BNC2: variants seen among roughly 807,000 people sequenced by gnomAD.
BNC2 encodes the protein basonuclin zinc finger protein 2, also known as zinc finger protein basonuclin-2.
In BNC2, 20 loss-of-function variants were observed where a neutral mutation model predicts 76.3. The observed-to-expected ratio is 0.26, with a 90% CI of 0.18 to 0.38. BNC2 has a LOEUF of 0.38. Among genes scored for constraint, BNC2 ranks in the 10% least tolerant of loss-of-function variants. BNC2 has a pLI of 1.00. For missense variants in BNC2, 1,382 were observed against 1,399.8 expected, an observed-to-expected ratio of 0.99 and a Z score of 0.20; for synonymous variants, 582 against 514.8, an observed-to-expected ratio of 1.13 and a Z score of -1.77.
At chr9:16,867,119 A>G (rs1045640451) in intron 1 of BNC2, among the ~76,000 whole-genome samples, 1 of 152,204 alleles carries the variant, frequency 6.6e-6, no homozygotes, top group Non-Finnish European at 1.5e-5. Flanking sequence ...ATTAATTTTA[A>G]TGTCAAAAAA....
chr9:16,538,124 T>C (rs1361494772), intron 5 of BNC2, among the ~76,000 whole-genome samples: 1 of 152,150 alleles, frequency 6.6e-6, no homozygotes, highest in African/African-American at 2.4e-5. Context: ...GATCCAGGTG[T>C]AAGGTAGAAC....
rs577806819 is a variant in BNC2 at position 16,417,701 on chromosome 9, T to G, written c.*1288A>C. 51 of 152,782 alleles carry G rather than the reference T, an allele frequency of 3.3e-4. No individual in the cohort carries two copies. Among genetic ancestry groups the G allele is most frequent in the African/African-American group, 1.2e-3 (50 of 41,582 alleles). 9.5% of individuals were successfully genotyped at this position (152,782 alleles called of 1,614,324 possible). On this transcript the variant is annotated 3_prime_UTR_variant, in exon 7 of 7. Coordinates refer to ENST00000380672, the MANE Select transcript of BNC2 (RefSeq NM_017637.6). ...GCCTTGGAAATGAGTGTTCGACTCT[T>G]TTACTGTATTCATCTTTGTTCCGTA... is the stretch of plus-strand genomic sequence containing the variant.
intron 5 of BNC2, among the ~76,000 whole-genome samples, chr9:16,463,585 C>T (rs915652214): frequency 3.5e-5 from 5 of 143,774 alleles, no homozygotes; most frequent in Admixed American, 6.7e-5. Flanking sequence ...CGTGAGCCAC[C>T]GCGCCCGGCC....
chr9:16,717,830 CA>C (rs981911922), intron 3 of BNC2, among the ~76,000 whole-genome samples: 2 of 152,058 alleles, frequency 1.3e-5, no homozygotes, highest in Non-Finnish European at 2.9e-5. Flanking sequence ...TTTAAAAGAT[CA>C]AAAGTACAGG....
intron 5 of BNC2, among the ~76,000 whole-genome samples, chr9:16,552,246 G>C (rs1018832406): frequency 1.3e-5 from 2 of 152,118 alleles, no homozygotes; most frequent in Non-Finnish European, 2.9e-5. Flanking sequence ...AAGACTTGTT[G>C]AAGAAGCCAG....
chr9:16,745,850 C>T (rs1824985405), intron 1 of BNC2, among the ~76,000 whole-genome samples: 1 of 152,152 alleles, frequency 6.6e-6, no homozygotes, highest in African/African-American at 2.4e-5. Context: ...CAGACATGGG[C>T]TTTGAGACAG....
chr9:16,476,648 G>A (rs185475906), intron 5 of BNC2, among the ~76,000 whole-genome samples: 9 of 151,784 alleles, frequency 5.9e-5, no homozygotes, highest in Middle Eastern at 3.5e-3. Context: ...GGGACCACGG[G>A]TTTATCTAGC....
intron 3 of BNC2, among the ~76,000 whole-genome samples, chr9:16,645,376 T>A (rs1298027032): frequency 6.6e-6 from 1 of 152,196 alleles, no homozygotes; most frequent in African/African-American, 2.4e-5. Context: ...GACCCTTAAA[T>A]GAAAAGAATT....
intron 3 of BNC2, among the ~76,000 whole-genome samples, chr9:16,648,365 G>C (rs1821695980): frequency 6.6e-6 from 1 of 152,214 alleles, no homozygotes; most frequent in Non-Finnish European, 1.5e-5. Flanking sequence ...GCTCTGAGGA[G>C]AAATGACAGA....
At chr9:16,448,692 A>C (rs1438493934) in intron 5 of BNC2, among the ~76,000 whole-genome samples, 1 of 152,184 alleles carries the variant, frequency 6.6e-6, no homozygotes, top group Non-Finnish European at 1.5e-5. Flanking sequence ...TGTGTGACTG[A>C]ACAGAAAGAT....
intron 1 of BNC2, among the ~76,000 whole-genome samples, chr9:16,748,949 T>C (rs1825097912): frequency 7.9e-6 from 1 of 125,906 alleles, no homozygotes; most frequent in Non-Finnish European, 1.7e-5. Context: ...TATATATATA[T>C]GAAATTAACA....
intron 5 of BNC2, among the ~76,000 whole-genome samples, chr9:16,501,178 G>C (rs1471118228): frequency 6.6e-6 from 1 of 152,164 alleles, no homozygotes; most frequent in Non-Finnish European, 1.5e-5. Flanking sequence ...AATTATATAT[G>C]TGCTCTCTAA....
chr9:16,671,161 G>A (rs544629153), intron 3 of BNC2, among the ~76,000 whole-genome samples: 1 of 152,138 alleles, frequency 6.6e-6, no homozygotes, highest in East Asian at 1.9e-4. Context: ...GTTTTCCCTG[G>A]TCCTTCATTT....
chr9:16,690,503 ATTATCCAG>A (rs1823125795), intron 3 of BNC2, among the ~76,000 whole-genome samples: 2 of 150,862 alleles, frequency 1.3e-5, no homozygotes. Flanking sequence ...CACAGTATTT[ATTATCCAG>A]CCTGAGTGAC....
intron 5 of BNC2, among the ~76,000 whole-genome samples, chr9:16,551,112 G>C (rs1313787764): frequency 6.6e-6 from 1 of 152,126 alleles, no homozygotes; most frequent in East Asian, 1.9e-4. Context: ...AGGCAAATGA[G>C]ATAATGCTTG....
At chr9:16,601,751 G>A (rs995886322) in intron 3 of BNC2, among the ~76,000 whole-genome samples, 6 of 152,148 alleles carry the variant, frequency 3.9e-5, no homozygotes, top group African/African-American at 1.4e-4. Context: ...AATTCCCTTA[G>A]TAATTCCCTT....
chr9:16,657,857 C>T (rs566819657), intron 3 of BNC2, among the ~76,000 whole-genome samples: 1 of 152,174 alleles, frequency 6.6e-6, no homozygotes, highest in African/African-American at 2.4e-5. Flanking sequence ...GTGGGGGCTA[C>T]TTGGGATACA....
chr9:16,869,996 T>C (rs1355642624), intron 1 of BNC2, among the ~76,000 whole-genome samples: 1 of 152,124 alleles, frequency 6.6e-6, no homozygotes, highest in Non-Finnish European at 1.5e-5. Context: ...AAAAGAGCCG[T>C]CTCTGCAAGG....
chr9:16,655,923 C>G (rs1405994230), intron 3 of BNC2, among the ~76,000 whole-genome samples: 3 of 152,152 alleles, frequency 2.0e-5, no homozygotes, highest in Non-Finnish European at 4.4e-5. Flanking sequence ...TGACCTCTGA[C>G]AGAATGAAGA....
Sources: allele counts gnomAD v4.1 joint callset (sites outside exome capture counted in the v4.1 genomes callset), GRCh38; gene constraint gnomAD v4.1.1; transcripts MANE v1.5; gene names NCBI Gene and HGNC (gene_info 2026-07-23, HGNC 2026-07-21).